ZMIZ1: variants seen among roughly 807,000 people sequenced by gnomAD.
ZMIZ1 encodes the protein zinc finger MIZ-type containing 1.
In ZMIZ1, 17 loss-of-function variants were observed where a neutral mutation model predicts 113.9. The ratio of observed to expected loss-of-function variants is 0.15; its 90% CI spans 0.10 to 0.22. The LOEUF is 0.22. Among genes scored for constraint, ZMIZ1 ranks in the 10% least tolerant of loss-of-function variants. The probability of loss-of-function intolerance (pLI) is 1.00; values close to 1 mark genes in which losing one functional copy is unlikely to be tolerated. For missense variants in ZMIZ1, 1,059 were observed against 1,477.8 expected (o/e 0.72, Z 4.65); for synonymous variants, 607 against 603.1 (o/e 1.01, Z -0.09).
chr10:79,171,736 A>T (rs1846610930), intron 4 of ZMIZ1, among the ~76,000 whole-genome samples: 1 of 152,148 alleles, frequency 6.6e-6, no homozygotes, highest in African/African-American at 2.4e-5. Context: ...TTCCTGGAGG[A>T]GGATGACTGT....
intron 1 of ZMIZ1, among the ~76,000 whole-genome samples, chr10:79,088,675 G>C (rs1842891544): frequency 6.6e-6 from 1 of 152,244 alleles, no homozygotes; most frequent in Admixed American, 6.5e-5. Context: ...CCGACTCTGA[G>C]ATCTTTTATC....
intron 1 of ZMIZ1, among the ~76,000 whole-genome samples, chr10:79,096,805 A>C (rs1031740971): frequency 6.6e-6 from 1 of 152,194 alleles, no homozygotes; most frequent in Admixed American, 6.5e-5. Flanking sequence ...AAACCAGGTA[A>C]ACAAGACAAT....
chr10:79,155,453 G>A (rs2132467727), intron 3 of ZMIZ1, among the ~76,000 whole-genome samples: 1 of 152,328 alleles, frequency 6.6e-6, no homozygotes, highest in East Asian at 1.9e-4. Flanking sequence ...TGTGATCTTG[G>A]CTGGGCCCTT....
At chr10:79,190,786 A>G (rs1219691170) in intron 4 of ZMIZ1, among the ~76,000 whole-genome samples, 3 of 152,194 alleles carry the variant, frequency 2.0e-5, no homozygotes, top group African/African-American at 7.2e-5. Context: ...GGTTGCTTGA[A>G]ATAGGCCCAC....
At chr10:79,124,808 C>T (rs2132346168) in intron 2 of ZMIZ1, among the ~76,000 whole-genome samples, 1 of 152,302 alleles carries the variant, frequency 6.6e-6, no homozygotes, top group East Asian at 1.9e-4. Context: ...GGCAGTCCGG[C>T]TGGGGAGGAA....
At chr10:79,128,540 C>T (rs76525515) in intron 2 of ZMIZ1, among the ~76,000 whole-genome samples, 1 of 152,276 alleles carries the variant, frequency 6.6e-6, no homozygotes, top group Non-Finnish European at 1.5e-5. Flanking sequence ...AGAGTGGAGC[C>T]CCTGGGGCCA....
intron 1 of ZMIZ1, among the ~76,000 whole-genome samples, chr10:79,102,738 A>T (rs1024358353): frequency 1.3e-5 from 2 of 152,236 alleles, no homozygotes; most frequent in African/African-American, 4.8e-5. Flanking sequence ...TACCAGGCCC[A>T]CATAGCACCT....
Position 79,315,938 on chromosome 10 carries a change from GTC to G in ZMIZ1, c.*3196_*3197del, listed in dbSNP as rs1163554599. On this transcript the variant is annotated 3_prime_UTR_variant, in exon 25 of 25. Transcript: ENST00000334512. ...TAGCATTTGTGAGTTCTCCACGTCT[GTC>G]TCTCTCGCTCATGTAATATACTCTG... is the stretch of plus-strand genomic sequence containing the variant. The G allele has an allele frequency of 1.3e-5, 2 of 152,778 alleles. No homozygotes were observed. Among genetic ancestry groups the G allele is most frequent in the Admixed American group, 6.5e-5 (1 of 15,290 alleles). 9.5% of individuals were successfully genotyped at this position (152,778 alleles called of 1,614,324 possible).
At chr10:79,285,438 A>C (rs1234586716) in intron 8 of ZMIZ1, 2 of 455,644 alleles carry the variant, frequency 4.4e-6, no homozygotes, top group Non-Finnish European at 8.8e-6. Flanking sequence ...GGGCTGAATC[A>C]GCCCCATTTC....
At chr10:79,158,127 A>T (rs1254687289) in intron 3 of ZMIZ1, among the ~76,000 whole-genome samples, 1 of 152,202 alleles carries the variant, frequency 6.6e-6, no homozygotes, top group African/African-American at 2.4e-5. Flanking sequence ...GATGGGCACC[A>T]TGGGCTGAGC....
intron 7 of ZMIZ1, among the ~76,000 whole-genome samples, chr10:79,235,712 C>G (rs1279095801): frequency 1.3e-5 from 2 of 152,194 alleles, no homozygotes; most frequent in Non-Finnish European, 2.9e-5. Flanking sequence ...GCAGGAGGTA[C>G]CGGGTAGGAT....
chr10:79,198,190 C>A (rs1040450386), intron 4 of ZMIZ1, among the ~76,000 whole-genome samples: 1 of 152,086 alleles, frequency 6.6e-6, no homozygotes, highest in Admixed American at 6.6e-5. Flanking sequence ...ACCCGGGAGG[C>A]AGAGCTTGCA....
chr10:79,105,332 G>A (rs937685768), intron 1 of ZMIZ1, among the ~76,000 whole-genome samples: 17 of 152,222 alleles, frequency 1.1e-4, no homozygotes, highest in African/African-American at 3.9e-4. Context: ...GACCAGGGTC[G>A]GAAGCCGGGC....
At chr10:79,170,164 C>T (rs1166453585) in intron 4 of ZMIZ1, among the ~76,000 whole-genome samples, 1 of 152,212 alleles carries the variant, frequency 6.6e-6, no homozygotes, top group Non-Finnish European at 1.5e-5. Context: ...CAGATGCCCC[C>T]AGAAAATACC....
chr10:79,088,029 A>C (rs375831575), intron 1 of ZMIZ1, among the ~76,000 whole-genome samples: 4 of 152,232 alleles, frequency 2.6e-5, no homozygotes, highest in Admixed American at 2.6e-4. Context: ...TGCAAGTTGA[A>C]TAACACATGG....
chr10:79,135,581 A>T (rs538404386), intron 2 of ZMIZ1, among the ~76,000 whole-genome samples: 9 of 152,252 alleles, frequency 5.9e-5, no homozygotes, highest in African/African-American at 1.9e-4. Flanking sequence ...TTCCTGGCCA[A>T]TCTGAAAATG....
intron 5 of ZMIZ1, among the ~76,000 whole-genome samples, chr10:79,202,250 A>G (rs547000388): frequency 6.6e-6 from 1 of 150,712 alleles, no homozygotes; most frequent in Non-Finnish European, 1.5e-5. Flanking sequence ...AGGGAGAAAG[A>G]AAGAAAAGAA....
intron 1 of ZMIZ1, among the ~76,000 whole-genome samples, chr10:79,104,974 TG>T: frequency 6.6e-6 from 1 of 151,616 alleles, no homozygotes; most frequent in South Asian, 2.1e-4. Flanking sequence ...TGTGTGTGTG[TG>T]TGTGTGTGTG....
chr10:79,301,689 G>A (rs1854311127), intron 17 of ZMIZ1, among the ~76,000 whole-genome samples: 1 of 152,194 alleles, frequency 6.6e-6, no homozygotes, highest in Non-Finnish European at 1.5e-5. Flanking sequence ...TGCTGTGTGA[G>A]GCTGCACAAC....
Sources: gnomAD v4.1 joint callset for allele counts (sites outside exome capture counted in the v4.1 genomes callset) on GRCh38, gnomAD v4.1.1 for gene constraint, MANE v1.5 for transcripts, NCBI Gene and HGNC (gene_info 2026-07-23, HGNC 2026-07-21) for gene names.